GRIK4: variants seen among roughly 807,000 people sequenced by gnomAD.
GRIK4 encodes the protein glutamate ionotropic receptor kainate type subunit 4.
Under a neutral mutation model 104.9 loss-of-function variants are expected in GRIK4, and 40 were observed. The ratio of observed to expected loss-of-function variants is 0.38; its 90% CI spans 0.30 to 0.50. The LOEUF is 0.50. Ranked by LOEUF, GRIK4 falls within the 20% of genes least tolerant of loss-of-function variation. GRIK4 has a pLI of 0.93. For missense variants in GRIK4, 1,047 were observed against 1,308.1 expected, an observed-to-expected ratio of 0.80 and a Z score of 3.08; for synonymous variants, 485 against 524.9, an observed-to-expected ratio of 0.92 and a Z score of 1.04.
intron 13 of GRIK4, among the ~76,000 whole-genome samples, chr11:120,911,192 A>G (rs866008978): frequency 3.9e-5 from 6 of 151,966 alleles, no homozygotes; most frequent in Middle Eastern, 3.4e-3. Context: ...GATGGTGAGA[A>G]CCAAAAGTAG....
At position 120,534,516 on chromosome 11, in the gene GRIK4, G is replaced by A. The variant is rs190145972; in HGVS notation, c.-159+22629G>A. On this transcript the variant is annotated intron_variant, in intron 1 of 20. Coordinates refer to ENST00000527524, the MANE Select transcript of GRIK4 (RefSeq NM_014619.5). ...CGGAGCGCTGAGAACCGTGCACGCT[G>A]GGGCCTGAGTCCACAAAAGAGATCA... is the stretch of plus-strand genomic sequence containing the variant. 5.1e-3 allele frequency among the ~76,000 whole-genome samples: 780 copies of A among 152,224 alleles called. 3 individuals are homozygous for A. Among genetic ancestry groups the A allele is most frequent in the Non-Finnish European group, 7.9e-3 (534 of 68,020 alleles).
chr11:120,588,098 G>A (rs1352469375), intron 1 of GRIK4, among the ~76,000 whole-genome samples: 2 of 152,162 alleles, frequency 1.3e-5, no homozygotes, highest in Non-Finnish European at 2.9e-5. Flanking sequence ...AGGAGGGCAG[G>A]TGTGTGGGCG....
chr11:120,631,847 A>C (rs1014736802), intron 1 of GRIK4, among the ~76,000 whole-genome samples: 8 of 152,228 alleles, frequency 5.3e-5, no homozygotes, highest in African/African-American at 1.9e-4. Context: ...TGTAGGAGGC[A>C]CACAGGTTCC....
chr11:120,666,594 A>T (rs1949918612), intron 3 of GRIK4, among the ~76,000 whole-genome samples: 1 of 152,226 alleles, frequency 6.6e-6, no homozygotes, highest in East Asian at 1.9e-4. Flanking sequence ...TCAGACATGA[A>T]GGGATGGGGC....
At chr11:120,812,863 GCC>G (rs1487761306) in intron 4 of GRIK4, among the ~76,000 whole-genome samples, 1 of 152,216 alleles carries the variant, frequency 6.6e-6, no homozygotes, top group Non-Finnish European at 1.5e-5. Context: ...TGGTAAAATG[GCC>G]CAGGAACAGT....
intron 11 of GRIK4, among the ~76,000 whole-genome samples, chr11:120,879,338 A>G (rs1954900989): frequency 6.6e-6 from 1 of 152,108 alleles, no homozygotes; most frequent in Admixed American, 6.5e-5. Flanking sequence ...TTCCTTAAGA[A>G]TGGCATCTTC....
intron 11 of GRIK4, among the ~76,000 whole-genome samples, chr11:120,893,503 C>T (rs560933043): frequency 3.6e-4 from 55 of 152,296 alleles, no homozygotes; most frequent in Non-Finnish European, 5.9e-4. Context: ...ACCAGCTCTG[C>T]GAGTTAGGTA....
chr11:120,775,118 A>G (rs1253892988), intron 3 of GRIK4, among the ~76,000 whole-genome samples: 1 of 152,130 alleles, frequency 6.6e-6, no homozygotes, highest in Non-Finnish European at 1.5e-5. Context: ...TTGGTGTTTA[A>G]GGAGGGCCTT....
chr11:120,847,932 A>G (rs1050109482), intron 8 of GRIK4, among the ~76,000 whole-genome samples: 1 of 152,236 alleles, frequency 6.6e-6, no homozygotes, highest in Non-Finnish European at 1.5e-5. Flanking sequence ...AGAGAATGGA[A>G]ACCAGAGCTT....
At chr11:120,724,634 C>A (rs186259297) in intron 3 of GRIK4, among the ~76,000 whole-genome samples, 1 of 152,250 alleles carries the variant, frequency 6.6e-6, no homozygotes, top group African/African-American at 2.4e-5. Context: ...TCTGCTGGAC[C>A]TTCATGTAAG....
intron 11 of GRIK4, among the ~76,000 whole-genome samples, chr11:120,881,892 C>A (rs1351389558): frequency 6.6e-6 from 1 of 152,144 alleles, no homozygotes; most frequent in Non-Finnish European, 1.5e-5. Flanking sequence ...GCTGAGAACT[C>A]TGGAAAATAG....
intron 3 of GRIK4, among the ~76,000 whole-genome samples, chr11:120,697,945 C>T (rs969807199): frequency 2.0e-5 from 3 of 152,094 alleles, no homozygotes; most frequent in Non-Finnish European, 4.4e-5. Flanking sequence ...CCTCCTCCTG[C>T]TCATAGAAGA....
At chr11:120,526,075 G>A (rs956814809) in intron 1 of GRIK4, among the ~76,000 whole-genome samples, 1 of 152,204 alleles carries the variant, frequency 6.6e-6, no homozygotes, top group Non-Finnish European at 1.5e-5. Context: ...GGTAATAGAA[G>A]CTGGGATAGC....
At chr11:120,710,265 C>A (rs1234703925) in intron 3 of GRIK4, among the ~76,000 whole-genome samples, 4 of 152,266 alleles carry the variant, frequency 2.6e-5, no homozygotes, top group Non-Finnish European at 1.5e-5. Flanking sequence ...GGGACCTGTT[C>A]CATTTTTACA....
At chr11:120,892,684 T>G (rs1955339343) in intron 11 of GRIK4, among the ~76,000 whole-genome samples, 1 of 152,122 alleles carries the variant, frequency 6.6e-6, no homozygotes, top group Non-Finnish European at 1.5e-5. Flanking sequence ...GTGACCAGCT[T>G]GCTTATATTG....
At chr11:120,642,262 T>A (rs1949479816) in intron 1 of GRIK4, among the ~76,000 whole-genome samples, 1 of 152,058 alleles carries the variant, frequency 6.6e-6, no homozygotes. Context: ...GCCCAGGAGG[T>A]CCAGGCTGCA....
intron 3 of GRIK4, among the ~76,000 whole-genome samples, chr11:120,677,528 G>A (rs1950118750): frequency 6.6e-6 from 1 of 152,210 alleles, no homozygotes; most frequent in Admixed American, 6.5e-5. Context: ...ACTTAATACT[G>A]ACAATGCCCT....
intron 9 of GRIK4, chr11:120,871,764 A>G (rs887795161): frequency 1.3e-5 from 6 of 456,262 alleles, no homozygotes; most frequent in African/African-American, 1.2e-4. Flanking sequence ...AATAAAGCAA[A>G]GAAGCAAGGC....
At chr11:120,638,546 C>T (rs1378149099) in intron 1 of GRIK4, among the ~76,000 whole-genome samples, 2 of 151,524 alleles carry the variant, frequency 1.3e-5, no homozygotes, top group Non-Finnish European at 2.9e-5. Flanking sequence ...GGCATGATCT[C>T]GGCTCACTGC....
Sources: gnomAD v4.1 joint callset for allele counts (sites outside exome capture counted in the v4.1 genomes callset) on GRCh38, gnomAD v4.1.1 for gene constraint, MANE v1.5 for transcripts, NCBI Gene and HGNC (gene_info 2026-07-23, HGNC 2026-07-21) for gene names.